The following SUGCT variants were observed in gnomAD, a reference collection of about 807,000 sequenced individuals.
The protein encoded by SUGCT is succinyl-CoA:glutarate-CoA transferase, also known as succinyl-CoA:glutarate CoA-transferase.
SUGCT carries 41 observed loss-of-function variants against 55.0 expected under a neutral mutation model. That is an observed-to-expected ratio of 0.74 (90% CI 0.58 to 0.97). The LOEUF (loss-of-function observed/expected upper bound fraction) is 0.97. SUGCT is among the 50% of genes least tolerant of loss of function. SUGCT has a pLI of 0.00. For missense variants in SUGCT, 568 were observed against 547.8 expected, an observed-to-expected ratio of 1.04 and a Z score of -0.37; for synonymous variants, 187 against 200.4, an observed-to-expected ratio of 0.93 and a Z score of 0.56.
chr7:40,507,831 A>G (rs1055278205), intron 12 of SUGCT, among the ~76,000 whole-genome samples: 2 of 152,192 alleles, frequency 1.3e-5, no homozygotes, highest in African/African-American at 4.8e-5. Flanking sequence ...ATATGTGTAC[A>G]TCCTTTCTTG....
At chr7:40,283,364 G>C (rs1466230323) in intron 8 of SUGCT, among the ~76,000 whole-genome samples, 1 of 151,992 alleles carries the variant, frequency 6.6e-6, no homozygotes, top group Admixed American at 6.6e-5. Context: ...AAGTAGCCAG[G>C]ATTACAGCTG....
chr7:40,672,505 A>G (rs1264311493), intron 12 of SUGCT, among the ~76,000 whole-genome samples: 3 of 152,214 alleles, frequency 2.0e-5, no homozygotes, highest in Admixed American at 1.3e-4. Context: ...CATTCTTGAA[A>G]TAACAAAATT....
chr7:40,591,217 GT>G (rs1199983977), intron 12 of SUGCT, among the ~76,000 whole-genome samples: 1 of 152,198 alleles, frequency 6.6e-6, no homozygotes, highest in African/African-American at 2.4e-5. Flanking sequence ...ATTAATCAGG[GT>G]TTGGAATAAT....
intron 6 of SUGCT, among the ~76,000 whole-genome samples, chr7:40,199,550 A>T (rs10256299): frequency 0.065 from 9,873 of 152,238 alleles, 994 homozygotes; most frequent in African/African-American, 0.22. Flanking sequence ...TTAGAAGTAC[A>T]ATGGTATTTC....
chr7:40,857,891 TAA>T (rs1282860521), intron 13 of SUGCT, among the ~76,000 whole-genome samples: 1 of 152,194 alleles, frequency 6.6e-6, no homozygotes, highest in African/African-American at 2.4e-5. Flanking sequence ...TATGTTATGT[TAA>T]GTTTTATCTC....
chr7:40,626,225 T>C (rs561647323), intron 12 of SUGCT, among the ~76,000 whole-genome samples: 1 of 152,190 alleles, frequency 6.6e-6, no homozygotes, highest in South Asian at 2.1e-4. Flanking sequence ...TTTTCCTGCC[T>C]TTAAAGAGAC....
At chr7:40,233,713 C>T (rs1788851513) in intron 6 of SUGCT, among the ~76,000 whole-genome samples, 1 of 152,080 alleles carries the variant, frequency 6.6e-6, no homozygotes, top group Non-Finnish European at 1.5e-5. Context: ...ATTATTTATA[C>T]ATTGATTAAT....
intron 8 of SUGCT, among the ~76,000 whole-genome samples, chr7:40,314,146 A>G (rs1365865858): frequency 1.3e-5 from 2 of 152,206 alleles, no homozygotes; most frequent in African/African-American, 4.8e-5. Context: ...TGGGTAAGGA[A>G]TGAGGCAGCC....
intron 1 of SUGCT, among the ~76,000 whole-genome samples, chr7:40,169,539 G>A (rs553304838): frequency 6.6e-6 from 1 of 152,294 alleles, no homozygotes; most frequent in South Asian, 2.1e-4. Context: ...TGTCCCCTAG[G>A]GCAGTGGGCC....
At chr7:40,669,440 A>C (rs1238857166) in intron 12 of SUGCT, among the ~76,000 whole-genome samples, 1 of 152,026 alleles carries the variant, frequency 6.6e-6, no homozygotes, top group East Asian at 1.9e-4. Flanking sequence ...ATGCCAACAG[A>C]GATGCTAGAA....
intron 8 of SUGCT, among the ~76,000 whole-genome samples, chr7:40,308,929 G>C (rs1794987161): frequency 6.6e-6 from 1 of 152,208 alleles, no homozygotes; most frequent in African/African-American, 2.4e-5. Flanking sequence ...AGAATTGCTT[G>C]AACTTGGTAG....
At chr7:40,152,617 A>G (rs961807949) in intron 1 of SUGCT, 26 of 186,586 alleles carry the variant, frequency 1.4e-4, no homozygotes, top group Admixed American at 1.3e-3. Flanking sequence ...ACTAGTTTAG[A>G]AAAACAAAGA....
At chr7:40,894,119 G>A in the SUGCT span, among the ~76,000 whole-genome samples, 2 of 151,466 alleles carry the variant, frequency 1.3e-5, no homozygotes, top group South Asian at 4.2e-4. Context: ...GCATGGTACT[G>A]ATACAAAAAC....
At chr7:40,231,205 G>A (rs559424663) in intron 6 of SUGCT, among the ~76,000 whole-genome samples, 1 of 152,206 alleles carries the variant, frequency 6.6e-6, no homozygotes, top group South Asian at 2.1e-4. Context: ...AGGGAGCAGA[G>A]GTTTATCTCT....
At chr7:40,705,206 G>C (rs1483970161) in intron 12 of SUGCT, among the ~76,000 whole-genome samples, 1 of 152,076 alleles carries the variant, frequency 6.6e-6, no homozygotes, top group Admixed American at 6.6e-5. Context: ...TAGGTTTGCA[G>C]GAAGTTGCAA....
chr7:40,517,929 C>T (rs1377825212), intron 12 of SUGCT, among the ~76,000 whole-genome samples: 1 of 152,012 alleles, frequency 6.6e-6, no homozygotes, highest in Non-Finnish European at 1.5e-5. Flanking sequence ...AATTATACAC[C>T]ATTATCTGAA....
At chr7:40,162,947 G>A (rs1302108267) in intron 1 of SUGCT, among the ~76,000 whole-genome samples, 1 of 152,180 alleles carries the variant, frequency 6.6e-6, no homozygotes, top group Non-Finnish European at 1.5e-5. Flanking sequence ...GACTGGCGGG[G>A]TTGTGCTGCA....
rs1562817880 is a variant in SUGCT at position 40,496,371 on chromosome 7, A to G, written c.1074A>G (p.Val358=). The stretch of plus-strand genomic sequence containing the variant: ...GCCCAATCAACAACATGAAGAATGT[A>G]TTTGCAGAACCTCAGGTTTGTTTTT... ...PYGPINNMKN[V]FAEPQVLHNG... The change falls in exon 12 of 14, where the codon GTA becomes GTG. Residue 358 remains valine (V), a synonymous_variant. Transcript: ENST00000335693. 4 of 1,611,814 alleles carry G rather than the reference A, an allele frequency of 2.5e-6. No homozygotes were observed. The highest frequency in any genetic ancestry group is 3.4e-6 in the Non-Finnish European group (4 of 1,178,582).
At chr7:40,474,998 T>C (rs1790585454) in intron 11 of SUGCT, among the ~76,000 whole-genome samples, 2 of 152,162 alleles carry the variant, frequency 1.3e-5, no homozygotes, top group Admixed American at 1.3e-4. Context: ...TTGTCTTGAG[T>C]AACAGAGTTC....
Sources: allele counts gnomAD v4.1 joint callset (sites outside exome capture counted in the v4.1 genomes callset), GRCh38; gene constraint gnomAD v4.1.1; transcripts MANE v1.5; gene names NCBI Gene and HGNC (gene_info 2026-07-23, HGNC 2026-07-21).